Variants in MAST4 observed in about 807,000 individuals in gnomAD.
MAST4 encodes the protein microtubule associated serine/threonine kinase family member 4.
MAST4 carries 89 observed loss-of-function variants against 162.7 expected under a neutral mutation model. The observed-to-expected ratio is 0.55, with a 90% CI of 0.46 to 0.65. The LOEUF is 0.65. MAST4 is among the 30% of genes least tolerant of loss of function. MAST4 has a pLI of 0.00. For synonymous variants in MAST4, 1,479 were observed against 1,361.1 expected (o/e 1.09, Z -1.91); for missense variants, 3,153 against 3,374.0 (o/e 0.93, Z 1.62).
At chr5:66,757,708 C>T (rs919567499) in intron 1 of MAST4, among the ~76,000 whole-genome samples, 1 of 152,094 alleles carries the variant, frequency 6.6e-6, no homozygotes, top group Non-Finnish European at 1.5e-5. Context: ...GGAGAGAGAG[C>T]AAAAACGGTG....
intron 3 of MAST4, among the ~76,000 whole-genome samples, chr5:66,821,329 T>C (rs1262472912): frequency 6.6e-6 from 1 of 152,264 alleles, no homozygotes; most frequent in African/African-American, 2.4e-5. Context: ...TTACCTTTGT[T>C]AACTTTAGAG....
chr5:67,137,526 T>C (rs1769819014), intron 19 of MAST4, among the ~76,000 whole-genome samples: 1 of 152,134 alleles, frequency 6.6e-6, no homozygotes, highest in Admixed American at 6.5e-5. Flanking sequence ...TAACAGAAAA[T>C]ACTGAAGAAA....
intron 1 of MAST4, among the ~76,000 whole-genome samples, chr5:66,691,957 G>T (rs2149496762): frequency 6.6e-6 from 1 of 152,152 alleles, no homozygotes; most frequent in South Asian, 2.1e-4. Flanking sequence ...ATTTTATTTT[G>T]ATTCTCCCCA....
intron 3 of MAST4, among the ~76,000 whole-genome samples, chr5:66,810,386 C>T (rs913108697): frequency 1.3e-5 from 2 of 152,194 alleles, no homozygotes; most frequent in Non-Finnish European, 2.9e-5. Flanking sequence ...ATCTTTATGT[C>T]ACTTCCAAGG....
At chr5:66,654,789 C>A (rs1283385907) in intron 1 of MAST4, among the ~76,000 whole-genome samples, 1 of 152,026 alleles carries the variant, frequency 6.6e-6, no homozygotes, top group Non-Finnish European at 1.5e-5. Context: ...GAGAATCACA[C>A]AAAATTAAAT....
intron 1 of MAST4, among the ~76,000 whole-genome samples, chr5:66,732,985 C>G (rs2149557825): frequency 6.6e-6 from 1 of 152,300 alleles, no homozygotes; most frequent in Middle Eastern, 3.4e-3. Flanking sequence ...CCCACTCCTC[C>G]TTTTTCTCAG....
intron 10 of MAST4, among the ~76,000 whole-genome samples, chr5:67,108,059 T>C (rs1765795109): frequency 6.6e-6 from 1 of 152,246 alleles, no homozygotes; most frequent in South Asian, 2.1e-4. Flanking sequence ...GATAAAATAC[T>C]GTTTGAGTTA....
intron 1 of MAST4, among the ~76,000 whole-genome samples, chr5:66,746,821 G>A (rs991318409): frequency 6.6e-6 from 1 of 152,174 alleles, no homozygotes; most frequent in African/African-American, 2.4e-5. Context: ...TGATGTATAT[G>A]CAAAATCAAA....
chr5:67,079,991 GCTT>G (rs1762414591), intron 5 of MAST4, among the ~76,000 whole-genome samples: 1 of 152,178 alleles, frequency 6.6e-6, no homozygotes. Flanking sequence ...TTACTGTCCA[GCTT>G]CTTAGCGCTA....
chr5:66,957,994 G>A (rs941568086), intron 4 of MAST4, among the ~76,000 whole-genome samples: 1 of 152,126 alleles, frequency 6.6e-6, no homozygotes, highest in Admixed American at 6.5e-5. Context: ...TATTATAGCC[G>A]CCAACTGTGT....
chr5:66,775,217 T>C (rs1219819646), intron 2 of MAST4, among the ~76,000 whole-genome samples: 1 of 152,108 alleles, frequency 6.6e-6, no homozygotes, highest in Non-Finnish European at 1.5e-5. Flanking sequence ...TTTAATGAAA[T>C]GGCTAGAAGA....
intron 2 of MAST4, among the ~76,000 whole-genome samples, chr5:66,767,722 C>T (rs572487412): frequency 1.3e-5 from 2 of 152,194 alleles, no homozygotes; most frequent in South Asian, 4.1e-4. Context: ...CAGTCCGAGT[C>T]CCAAAAGTGG....
chr5:66,657,185 A>T (rs1305917570), intron 1 of MAST4, among the ~76,000 whole-genome samples: 1 of 152,218 alleles, frequency 6.6e-6, no homozygotes, highest in Non-Finnish European at 1.5e-5. Flanking sequence ...CCTTCTTTTA[A>T]TGACCGAATC....
chr5:66,864,338 C>A (rs1760333226), intron 3 of MAST4, among the ~76,000 whole-genome samples: 2 of 152,194 alleles, frequency 1.3e-5, no homozygotes. Context: ...TCCCAGAGAT[C>A]CTGTGTTGAG....
intron 6 of MAST4, chr5:67,093,737 T>G (rs1764118716): frequency 2.5e-6 from 1 of 399,524 alleles, no homozygotes; most frequent in South Asian, 1.8e-5. Context: ...GAAGGAGAGT[T>G]AATGCATCAC....
At position 66,890,415 on chromosome 5, in the gene MAST4, T is replaced by C. The variant is rs996707113; in HGVS notation, c.643-9536T>C. On this transcript the variant is annotated intron_variant, in intron 3 of 28. Coordinates refer to ENST00000403625, the MANE Select transcript of MAST4 (RefSeq NM_001164664.2). ...CTCGATTTTGACATCAAGGGTATAA[T>C]GTGTTAGGAAGCATCAAAACCCATA... is the stretch of plus-strand genomic sequence containing the variant. 2.6e-5 allele frequency among the ~76,000 whole-genome samples: 4 copies of C among 152,200 alleles called. No individual in the cohort carries two copies. In the South Asian group the frequency reaches 8.3e-4, roughly 32 times the overall value.
rs1351477912 is a variant in MAST4, at chr5:66,769,895, A to T, written c.517+10033A>T. Among the ~76,000 whole-genome samples the T allele has an allele frequency of 2.6e-5, 4 of 152,232 alleles. No homozygotes were observed. The East Asian group carries it at 7.7e-4, about 29-fold the overall frequency. On this transcript the variant is annotated intron_variant, in intron 2 of 28. Coordinates refer to ENST00000403625, the MANE Select transcript of MAST4 (RefSeq NM_001164664.2). ...TCGCCAACCAGAAGAAAAAGCCCAG[A>T]TCCACATAGAATTTACACTTAAGGT... is the stretch of plus-strand genomic sequence containing the variant.
At chr5:67,122,644 G>A (rs1338120437) in intron 14 of MAST4, among the ~76,000 whole-genome samples, 3 of 152,136 alleles carry the variant, frequency 2.0e-5, no homozygotes, top group African/African-American at 4.8e-5. Context: ...GGGTGTATGG[G>A]TTTGAGCACT....
At chr5:66,745,534 C>T (rs1752704081) in intron 1 of MAST4, among the ~76,000 whole-genome samples, 3 of 152,234 alleles carry the variant, frequency 2.0e-5, no homozygotes, top group Admixed American at 2.0e-4. Flanking sequence ...CTGCTCTGTG[C>T]TCCATCCTGG....
Sources: gnomAD v4.1 joint callset for allele counts (sites outside exome capture counted in the v4.1 genomes callset) on GRCh38, gnomAD v4.1.1 for gene constraint, MANE v1.5 for transcripts, NCBI Gene and HGNC (gene_info 2026-07-23, HGNC 2026-07-21) for gene names.